The following ZNF804A variants were observed in gnomAD, a reference collection of about 807,000 sequenced individuals.
ZNF804A encodes the protein zinc finger protein 804A.
A neutral mutation model predicts 16.5 loss-of-function variants in ZNF804A; 2 were observed. The observed-to-expected ratio is 0.12, with a 90% CI of 0.05 to 0.38. The LOEUF is 0.38. ZNF804A is among the 10% of genes least tolerant of loss of function. The probability of loss-of-function intolerance (pLI) is 0.99; values close to 1 mark genes in which losing one functional copy is unlikely to be tolerated. For synonymous variants in ZNF804A, 534 were observed against 489.6 expected (o/e 1.09, Z -1.20); for missense variants, 1,473 against 1,390.7 (o/e 1.06, Z -0.94).
At chr2:184,823,622 G>A (rs184945727) in intron 1 of ZNF804A, among the ~76,000 whole-genome samples, 5 of 151,972 alleles carry the variant, frequency 3.3e-5, no homozygotes, top group African/African-American at 4.8e-5. Context: ...TGTGATATAC[G>A]TATTTTTTTA....
At chr2:184,872,719 C>T (rs1695995137) in intron 2 of ZNF804A, among the ~76,000 whole-genome samples, 1 of 152,070 alleles carries the variant, frequency 6.6e-6, no homozygotes, top group Non-Finnish European at 1.5e-5. Context: ...AGCTTTTAGT[C>T]CAAATGTCAG....
intron 1 of ZNF804A, among the ~76,000 whole-genome samples, chr2:184,748,424 T>C (rs939441986): frequency 6.6e-6 from 1 of 151,638 alleles, no homozygotes; most frequent in African/African-American, 2.4e-5. Flanking sequence ...CTTGAATGTC[T>C]TCTTTTGAGA....
At chr2:184,682,842 A>G (rs541468667) in intron 1 of ZNF804A, among the ~76,000 whole-genome samples, 1 of 152,230 alleles carries the variant, frequency 6.6e-6, no homozygotes, top group South Asian at 2.1e-4. Flanking sequence ...CCAGATCTCT[A>G]CAAAAAAATA....
chr2:184,920,967 A>T (rs1685520358), intron 2 of ZNF804A, among the ~76,000 whole-genome samples: 1 of 152,192 alleles, frequency 6.6e-6, no homozygotes. Flanking sequence ...TAAGCTGCTA[A>T]ATTTGTGGTA....
At chr2:184,767,301 A>G (rs1694143121) in intron 1 of ZNF804A, among the ~76,000 whole-genome samples, 1 of 152,138 alleles carries the variant, frequency 6.6e-6, no homozygotes, top group South Asian at 2.1e-4. Context: ...CATTCTACAA[A>G]ATGGATCAAC....
rs1259564413 is a variant in ZNF804A at position 184,939,017 on chromosome 2, T to A, written c.3621T>A (p.Pro1207=). The A allele has an allele frequency of 1.2e-6, 2 of 1,612,904 alleles. No individual in the cohort carries two copies. Among genetic ancestry groups the A allele is most frequent in the South Asian group, 1.1e-5 (1 of 91,044 alleles). Residue 1207 remains proline (P), a synonymous_variant, in exon 4 of 4, where the codon CCT becomes CCA. Coordinates refer to ENST00000302277, the MANE Select transcript of ZNF804A (RefSeq NM_194250.2). ...SPHPTVIPLQ[P]LF The stretch of plus-strand genomic sequence containing the variant: ...ACCCTACTGTCATCCCTTTGCAACC[T>A]CTCTTCTAGTCATCACCATAATGGG...
chr2:184,842,897 G>A (rs147333555), intron 1 of ZNF804A, among the ~76,000 whole-genome samples: 10 of 152,256 alleles, frequency 6.6e-5, no homozygotes, highest in African/African-American at 2.4e-4. Flanking sequence ...TTCAGACAGT[G>A]AGCACCATAA....
In ZNF804A at chr2:184,859,472, TG is replaced by T. The variant is rs545124087; in HGVS notation, c.112-6896del. 4.2e-3 allele frequency among the ~76,000 whole-genome samples: 632 copies of T among 152,236 alleles called. 5 individuals carry two copies. The highest frequency in any genetic ancestry group is 0.014 in the African/African-American group (601 of 41,544). The stretch of plus-strand genomic sequence containing the variant: ...TATATATTATTGATTCTTTATTAAA[TG>T]TATTATTTTGGGTCATTTATTGTCT... On this transcript the variant is annotated intron_variant, in intron 1 of 3. Coordinates refer to ENST00000302277, the MANE Select transcript of ZNF804A (RefSeq NM_194250.2).
At chr2:184,656,676 A>T (rs1394382990) in intron 1 of ZNF804A, among the ~76,000 whole-genome samples, 1 of 151,914 alleles carries the variant, frequency 6.6e-6, no homozygotes, top group Non-Finnish European at 1.5e-5. Context: ...TTGTGTGTGT[A>T]TATATACATA....
At chr2:184,896,825 G>A (rs778013406) in intron 2 of ZNF804A, among the ~76,000 whole-genome samples, 1 of 139,514 alleles carries the variant, frequency 7.2e-6, no homozygotes, top group African/African-American at 2.5e-5. Context: ...TATTTGCTGT[G>A]CATTTGGGTT....
intron 1 of ZNF804A, among the ~76,000 whole-genome samples, chr2:184,747,491 A>C (rs1486378951): frequency 6.6e-6 from 1 of 151,118 alleles, no homozygotes; most frequent in Non-Finnish European, 1.5e-5. Context: ...TTTACATACA[A>C]AATAAATTGA....
chr2:184,866,972 A>T (rs1367256723), intron 2 of ZNF804A, among the ~76,000 whole-genome samples: 1 of 151,588 alleles, frequency 6.6e-6, no homozygotes, highest in Non-Finnish European at 1.5e-5. Context: ...GATTTAAGCT[A>T]CTATGAAAAC....
At chr2:184,739,917 T>G (rs1015426215) in intron 1 of ZNF804A, among the ~76,000 whole-genome samples, 2 of 152,196 alleles carry the variant, frequency 1.3e-5, no homozygotes, top group Non-Finnish European at 2.9e-5. Context: ...CAACATTCAT[T>G]TCTATATTTA....
chr2:184,808,813 C>G (rs916822926), intron 1 of ZNF804A, among the ~76,000 whole-genome samples: 10 of 151,634 alleles, frequency 6.6e-5, no homozygotes, highest in Non-Finnish European at 4.4e-5. Flanking sequence ...TAAAAATTAA[C>G]TATTTTTAGT....
intron 2 of ZNF804A, among the ~76,000 whole-genome samples, chr2:184,924,095 G>T (rs1277767965): frequency 2.7e-4 from 41 of 151,526 alleles, no homozygotes; most frequent in Admixed American, 2.6e-3. Flanking sequence ...TATAGGAGGA[G>T]TTTGGAAGTA....
chr2:184,750,268 A>C (rs1310696889), intron 1 of ZNF804A, among the ~76,000 whole-genome samples: 1 of 151,338 alleles, frequency 6.6e-6, no homozygotes, highest in African/African-American at 2.4e-5. Context: ...TAGCATAACC[A>C]AGTTGCCAGA....
chr2:184,820,562 G>A (rs1695060572), intron 1 of ZNF804A, among the ~76,000 whole-genome samples: 1 of 152,096 alleles, frequency 6.6e-6, no homozygotes, highest in South Asian at 2.1e-4. Flanking sequence ...GGAAGTTCTT[G>A]CAAGGACAAT....
At chr2:184,922,983 G>C (rs1404928952) in intron 2 of ZNF804A, among the ~76,000 whole-genome samples, 1 of 152,068 alleles carries the variant, frequency 6.6e-6, no homozygotes, top group Non-Finnish European at 1.5e-5. Context: ...TTTAAGCCAA[G>C]TAATGTGATT....
chr2:184,918,130 C>G (rs1685479375), intron 2 of ZNF804A, among the ~76,000 whole-genome samples: 1 of 152,114 alleles, frequency 6.6e-6, no homozygotes, highest in Admixed American at 6.6e-5. Flanking sequence ...ATATGATCTT[C>G]CTTACCTCCA....
Sources: gnomAD v4.1 joint callset for allele counts (sites outside exome capture counted in the v4.1 genomes callset) on GRCh38, gnomAD v4.1.1 for gene constraint, MANE v1.5 for transcripts, NCBI Gene and HGNC (gene_info 2026-07-23, HGNC 2026-07-21) for gene names.